The following POU6F2 variants were observed in gnomAD, a reference collection of about 807,000 sequenced individuals.
POU6F2 encodes the protein POU class 6 homeobox 2, also known as POU domain, class 6, transcription factor 2.
POU6F2 carries 31 observed loss-of-function variants against 71.3 expected under a neutral mutation model. The ratio of observed to expected loss-of-function variants is 0.43; its 90% CI spans 0.33 to 0.59. The LOEUF is 0.59. POU6F2 is among the 20% of genes least tolerant of loss of function. POU6F2 has a pLI of 0.04. For synonymous variants in POU6F2, 347 were observed against 355.7 expected, an observed-to-expected ratio of 0.98 and a Z score of 0.27; for missense variants, 783 against 856.8, an observed-to-expected ratio of 0.91 and a Z score of 1.07.
chr7:39,074,053 T>A (rs965476421), intron 1 of POU6F2, among the ~76,000 whole-genome samples: 21 of 152,172 alleles, frequency 1.4e-4, no homozygotes, highest in African/African-American at 4.8e-4. Context: ...ATTTTATTTT[T>A]AAAAATCTAA....
rs1051413979 is a variant in POU6F2, at chr7:39,053,416, T to C, written c.106-32444T>C. On this transcript the variant is annotated intron_variant, in intron 1 of 9. Transcript: ENST00000518318. Reference sequence around the variant, plus strand: ...TCCTCCTTTCTTCTCTGTCTCTCTTTCCTTTTTGTTATCTTCTCCCTACTT... The same window carrying C: ...TCCTCCTTTCTTCTCTGTCTCTCTTCCCTTTTTGTTATCTTCTCCCTACTT... Among the ~76,000 whole-genome samples, 10 of 152,172 alleles carry C rather than the reference T, an allele frequency of 6.6e-5. No homozygotes were observed. The South Asian group carries it at 2.1e-3, about 31-fold the overall frequency.
chr7:38,988,536 G>T (rs1788517622), intron 1 of POU6F2, among the ~76,000 whole-genome samples: 1 of 152,020 alleles, frequency 6.6e-6, no homozygotes, highest in East Asian at 1.9e-4. Context: ...TTTCTTGAAT[G>T]TCTAATGTTT....
chr7:39,325,743 TGTTTAAAC>T (rs1785491609), intron 4 of POU6F2, among the ~76,000 whole-genome samples: 1 of 152,240 alleles, frequency 6.6e-6, no homozygotes. Context: ...CATAGTGCTG[TGTTTAAAC>T]CAGGCACAGT....
chr7:39,091,080 C>T (rs1017385356), intron 2 of POU6F2, among the ~76,000 whole-genome samples: 11 of 152,066 alleles, frequency 7.2e-5, no homozygotes, highest in African/African-American at 2.2e-4. Flanking sequence ...TTCCCCGCCC[C>T]GCCCCAGAAA....
intron 1 of POU6F2, among the ~76,000 whole-genome samples, chr7:39,081,516 T>TTTA (rs1285034406): frequency 2.0e-5 from 3 of 152,190 alleles, no homozygotes; most frequent in African/African-American, 7.2e-5. Context: ...GAAATATTGT[T>TTTA]TTATTATAGC....
intron 6 of POU6F2, among the ~76,000 whole-genome samples, chr7:39,414,169 C>T (rs1787618785): frequency 6.6e-6 from 1 of 152,236 alleles, no homozygotes; most frequent in Non-Finnish European, 1.5e-5. Flanking sequence ...AAGCCATTCA[C>T]ACTCATTCCT....
intron 2 of POU6F2, among the ~76,000 whole-genome samples, chr7:39,133,093 A>C (rs1488892238): frequency 6.6e-6 from 1 of 152,242 alleles, no homozygotes; most frequent in Non-Finnish European, 1.5e-5. Flanking sequence ...GCCTACAAGC[A>C]AGGACCTGCC....
chr7:39,222,580 TC>T (rs1248728934), intron 4 of POU6F2, among the ~76,000 whole-genome samples: 1 of 152,110 alleles, frequency 6.6e-6, no homozygotes, highest in Non-Finnish European at 1.5e-5. Flanking sequence ...CCTCCCCCAG[TC>T]CCTGGCAACC....
At chr7:39,247,116 A>T (rs1341772062) in intron 4 of POU6F2, among the ~76,000 whole-genome samples, 1 of 151,892 alleles carries the variant, frequency 6.6e-6, no homozygotes, top group Non-Finnish European at 1.5e-5. Flanking sequence ...TCCTCCTTGA[A>T]TATTACCATG....
chr7:38,986,111 T>C (rs925928135), intron 1 of POU6F2, among the ~76,000 whole-genome samples: 2 of 152,164 alleles, frequency 1.3e-5, no homozygotes, highest in Non-Finnish European at 2.9e-5. Context: ...TAACCTCTAA[T>C]AATCTAAAAA....
chr7:39,039,786 T>G (rs899317018), intron 1 of POU6F2, among the ~76,000 whole-genome samples: 2 of 151,200 alleles, frequency 1.3e-5, no homozygotes, highest in Admixed American at 6.6e-5. Context: ...GATTTTCAGT[T>G]TTTGAGTAAT....
At chr7:39,000,608 C>G (rs1026158694) in intron 1 of POU6F2, among the ~76,000 whole-genome samples, 3 of 151,950 alleles carry the variant, frequency 2.0e-5, no homozygotes, top group Admixed American at 6.6e-5. Flanking sequence ...CATATGCATT[C>G]ATAGCCCTGG....
chr7:39,171,133 C>T (rs1793212176), intron 2 of POU6F2, among the ~76,000 whole-genome samples: 1 of 147,270 alleles, frequency 6.8e-6, no homozygotes, highest in Non-Finnish European at 1.5e-5. Flanking sequence ...ATAAACCCAT[C>T]ATCTAGGTTT....
At chr7:39,354,387 C>T (rs1786210446) in intron 5 of POU6F2, among the ~76,000 whole-genome samples, 3 of 152,100 alleles carry the variant, frequency 2.0e-5, no homozygotes, top group African/African-American at 7.2e-5. Context: ...AGGAAAAAAC[C>T]TTTAGAAAAA....
chr7:39,215,495 C>T (rs1794221663), intron 4 of POU6F2, among the ~76,000 whole-genome samples: 2 of 152,214 alleles, frequency 1.3e-5, no homozygotes, highest in Middle Eastern at 6.8e-3. Flanking sequence ...CAGTAAAAGA[C>T]CACACCAGTT....
At chr7:38,981,890 T>C (rs1024803108) in intron 1 of POU6F2, among the ~76,000 whole-genome samples, 3 of 152,228 alleles carry the variant, frequency 2.0e-5, no homozygotes, top group Admixed American at 1.3e-4. Context: ...TTTTCTTATA[T>C]GGAGATTTTA....
intron 2 of POU6F2, among the ~76,000 whole-genome samples, chr7:39,098,172 T>C (rs568171012): frequency 1.3e-5 from 2 of 152,204 alleles, no homozygotes; most frequent in South Asian, 2.1e-4. Context: ...AATTCTTGTT[T>C]GTCTTATATA....
At chr7:39,314,201 G>T (rs370316395) in intron 4 of POU6F2, among the ~76,000 whole-genome samples, 3 of 152,302 alleles carry the variant, frequency 2.0e-5, no homozygotes, top group African/African-American at 4.8e-5. Context: ...CACTCCCGGC[G>T]TGTGGGAGTC....
At chr7:39,113,746 A>G (rs1233895238) in intron 2 of POU6F2, among the ~76,000 whole-genome samples, 1 of 152,196 alleles carries the variant, frequency 6.6e-6, no homozygotes, top group Non-Finnish European at 1.5e-5. Flanking sequence ...CCTCATTTCC[A>G]CAAAATCTAC....
Sources: allele counts gnomAD v4.1 joint callset (sites outside exome capture counted in the v4.1 genomes callset), GRCh38; gene constraint gnomAD v4.1.1; transcripts MANE v1.5; gene names NCBI Gene and HGNC (gene_info 2026-07-23, HGNC 2026-07-21).